Variants in PKD1L1 observed in about 807,000 individuals in gnomAD.
The protein encoded by PKD1L1 is polycystin 1 like 1, transient receptor potential channel interacting.
Under a neutral mutation model 323.4 loss-of-function variants are expected in PKD1L1, and 236 were observed. That is an observed-to-expected ratio of 0.73 (90% CI 0.66 to 0.81). The LOEUF (loss-of-function observed/expected upper bound fraction) is 0.81, where lower values mean the gene tolerates loss of function less well. Among genes scored for constraint, PKD1L1 ranks in the 40% least tolerant of loss-of-function variants. The pLI is 0.00. For synonymous variants in PKD1L1, 1,344 were observed against 1,335.0 expected, an observed-to-expected ratio of 1.01 and a Z score of -0.15; for missense variants, 3,320 against 3,508.0, an observed-to-expected ratio of 0.95 and a Z score of 1.35.
intron 23 of PKD1L1, among the ~76,000 whole-genome samples, chr7:47,875,097 A>G (rs1235010173): frequency 1.3e-5 from 2 of 152,232 alleles, no homozygotes; most frequent in Non-Finnish European, 2.9e-5. Flanking sequence ...TAAGTCTCAC[A>G]TAACCCCGTA....
intron 24 of PKD1L1, among the ~76,000 whole-genome samples, chr7:47,869,823 A>C (rs550064245): frequency 2.0e-5 from 3 of 152,194 alleles, no homozygotes; most frequent in Non-Finnish European, 4.4e-5. Flanking sequence ...TCTAGAATAC[A>C]CCATATAGTA....
At chr7:47,899,926 C>A (rs181152963) in intron 13 of PKD1L1, among the ~76,000 whole-genome samples, 2,042 of 132,974 alleles carry the variant, frequency 0.015, 49 homozygotes, top group African/African-American at 0.054. Flanking sequence ...ACTGCACTCC[C>A]TCCTAGGCAA....
Position 47,796,123 on chromosome 7 carries a change from G to T in PKD1L1, c.8221C>A (p.Gln2741Lys), listed in dbSNP as rs1242432060. The change falls in exon 55 of 57, where the codon CAA becomes AAA. Residue 2741 changes from glutamine to lysine, a missense_variant. Gln to Lys is a moderately conservative substitution (Grantham distance 53, BLOSUM62 1). Transcript: ENST00000289672. The part of the protein sequence containing the change: ...MLRGFLMTLP[Q>K]KRKSFQSKSF... Reference sequence around the variant, plus strand: ...TTACTTTGAAAAGATTTTCTTTTTTGGGGTAAAGTCATGAGAAAACCTCTC... The same window carrying T: ...TTACTTTGAAAAGATTTTCTTTTTTTGGGTAAAGTCATGAGAAAACCTCTC... The T allele has an allele frequency of 7.5e-6, 12 of 1,605,684 alleles. No homozygotes were observed. Among genetic ancestry groups the T allele is most frequent in the Middle Eastern group, 1.7e-4 (1 of 6,056 alleles).
upstream of PKD1L1, among the ~76,000 whole-genome samples, chr7:47,952,848 T>C (rs910567245): frequency 8.5e-5 from 13 of 152,224 alleles, no homozygotes; most frequent in African/African-American, 1.7e-4. Context: ...CTCTGTCTTA[T>C]ATAAAATCCT....
At chr7:47,793,653 G>A (rs1210649863) in intron 55 of PKD1L1, among the ~76,000 whole-genome samples, 1 of 152,154 alleles carries the variant, frequency 6.6e-6, no homozygotes, top group Non-Finnish European at 1.5e-5. Context: ...TACCAGTAGA[G>A]TGGGGTGTTG....
intron 56 of PKD1L1, among the ~76,000 whole-genome samples, chr7:47,791,184 G>A (rs1328030078): frequency 1.3e-5 from 2 of 151,896 alleles, no homozygotes; most frequent in African/African-American, 4.8e-5. Context: ...GGCTTTTTTA[G>A]GGGAGACACT....
intron 8 of PKD1L1, among the ~76,000 whole-genome samples, chr7:47,909,478 C>T (rs1787274153): frequency 6.6e-6 from 1 of 152,222 alleles, no homozygotes; most frequent in Non-Finnish European, 1.5e-5. Context: ...TCGCACCTAC[C>T]ATGAGCCTCT....
intron 56 of PKD1L1, among the ~76,000 whole-genome samples, chr7:47,788,715 C>A (rs1237326633): frequency 6.6e-6 from 1 of 151,684 alleles, no homozygotes; most frequent in East Asian, 1.9e-4. Flanking sequence ...CCTGCCTCAG[C>A]CTTCCAAGTA....
chr7:47,879,027 GC>G (rs1376089105), intron 21 of PKD1L1, among the ~76,000 whole-genome samples: 1 of 152,238 alleles, frequency 6.6e-6, no homozygotes, highest in African/African-American at 2.4e-5. Context: ...AAGAGGTACA[GC>G]CAAAGGCAAA....
At chr7:47,951,849 A>G (rs1324922149), upstream of PKD1L1, among the ~76,000 whole-genome samples, 1 of 152,232 alleles carries the variant, frequency 6.6e-6, no homozygotes, top group African/African-American at 2.4e-5. Context: ...TTTCAATGCA[A>G]GCCCAGGTTC....
intron 26 of PKD1L1, among the ~76,000 whole-genome samples, chr7:47,864,589 T>C (rs573517460): frequency 1.8e-4 from 17 of 92,480 alleles, no homozygotes; most frequent in African/African-American, 8.6e-4. Flanking sequence ...TCTTTCTTTC[T>C]TTCTTTCTTT....
intron 14 of PKD1L1, among the ~76,000 whole-genome samples, chr7:47,895,449 C>T (rs1428899988): frequency 6.6e-6 from 1 of 152,132 alleles, no homozygotes; most frequent in Non-Finnish European, 1.5e-5. Flanking sequence ...GGATTATAAT[C>T]TGTAAGCAGG....
At chr7:47,792,903 C>A in intron 55 of PKD1L1, 106 bp from the exon 56 acceptor site, 1 of 1,090,908 alleles carries the variant, frequency 9.2e-7, no homozygotes, top group Middle Eastern at 3.0e-4. Context: ...CAGTATTGGG[C>A]TATGTTAGGA....
chr7:47,944,498 A>C (rs1414316451), intron 1 of PKD1L1, among the ~76,000 whole-genome samples: 1 of 152,234 alleles, frequency 6.6e-6, no homozygotes. Context: ...CAGCAAAACA[A>C]ATTAACTCAG....
intron 8 of PKD1L1, among the ~76,000 whole-genome samples, chr7:47,909,894 G>A (rs1787281678): frequency 6.6e-6 from 1 of 152,162 alleles, no homozygotes; most frequent in South Asian, 2.1e-4. Flanking sequence ...AGGAGGATTT[G>A]GGAATACTGT....
chr7:47,956,222 C>A, the PKD1L1 span, among the ~76,000 whole-genome samples: 1 of 152,206 alleles, frequency 6.6e-6, no homozygotes, highest in African/African-American at 2.4e-5. Flanking sequence ...CGCAAGCCCA[C>A]ATAGCACCGC....
intron 12 of PKD1L1, among the ~76,000 whole-genome samples, chr7:47,904,105 A>G (rs1583662627): frequency 6.6e-6 from 1 of 152,090 alleles, no homozygotes; most frequent in Admixed American, 6.5e-5. Context: ...CTCCTACTCA[A>G]GATATCACTT....
intron 9 of PKD1L1, 134 bp downstream of exon 9, chr7:47,907,943 T>C: frequency 1.2e-6 from 1 of 841,798 alleles, no homozygotes; most frequent in Non-Finnish European, 1.8e-6. Context: ...ATTTTCTGAA[T>C]TAGGGAAGAA....
rs200026838 is a variant in PKD1L1 at position 47,846,853 on chromosome 7, A to G, written c.5153+26T>C. Reference sequence around the variant, plus strand: ...AAGGCAGTCATTTACTAAAAATCTCAGATTCTTTCTCAAATGTGTCTATAC... The same window carrying G: ...AAGGCAGTCATTTACTAAAAATCTCGGATTCTTTCTCAAATGTGTCTATAC... On this transcript the variant is annotated intron_variant, in intron 32 of 56. Transcript: ENST00000289672. 34 of 1,578,718 alleles carry G rather than the reference A, an allele frequency of 2.2e-5. 1 individual carries two copies. In the Admixed American group the frequency reaches 2.3e-4, roughly 10 times the overall value.
Sources: gnomAD v4.1 joint callset for allele counts (sites outside exome capture counted in the v4.1 genomes callset) on GRCh38, gnomAD v4.1.1 for gene constraint, MANE v1.5 for transcripts, NCBI Gene and HGNC (gene_info 2026-07-23, HGNC 2026-07-21) for gene names.